Variants in TBL1XR1 observed in about 807,000 individuals in gnomAD.
The protein encoded by TBL1XR1 is F-box-like/WD repeat-containing protein TBL1XR1.
Under a neutral mutation model 66.9 loss-of-function variants are expected in TBL1XR1, and 5 were observed. The observed-to-expected ratio is 0.07, with a 90% CI of 0.04 to 0.16. TBL1XR1 has a LOEUF of 0.16. Among genes scored for constraint, TBL1XR1 ranks in the 10% least tolerant of loss-of-function variants. The probability of loss-of-function intolerance (pLI) is 1.00; values close to 1 mark genes in which losing one functional copy is unlikely to be tolerated. For missense variants in TBL1XR1, 238 were observed against 623.2 expected, an observed-to-expected ratio of 0.38 and a Z score of 6.58; for synonymous variants, 210 against 206.0, an observed-to-expected ratio of 1.02 and a Z score of -0.17.
intron 3 of TBL1XR1, among the ~76,000 whole-genome samples, chr3:177,059,446 G>A (rs1487536260): frequency 3.3e-5 from 5 of 152,164 alleles, no homozygotes; most frequent in African/African-American, 1.2e-4. Context: ...TGCCTACTGT[G>A]ATCACGTTTT....
intron 5 of TBL1XR1, 150 bp from the exon 6 acceptor site, chr3:177,050,760 G>C (rs1340188585): frequency 4.5e-6 from 2 of 446,794 alleles, no homozygotes; most frequent in Middle Eastern, 4.4e-4. Context: ...TGACTACACA[G>C]TCTTAGTCAC....
chr3:177,127,421 G>T (rs1166712963), intron 1 of TBL1XR1, among the ~76,000 whole-genome samples: 1 of 152,068 alleles, frequency 6.6e-6, no homozygotes, highest in East Asian at 1.9e-4. Flanking sequence ...AGAACACAGG[G>T]GACCTAATGT....
At position 177,158,224 on chromosome 3, in the gene TBL1XR1, C is replaced by CTTTTT. The variant is rs1560241328; in HGVS notation, c.-122+38896_-122+38897insAAAAA. ...TCCACTGTAAATATAGGATTTGTTTCTTTTCTTTTTTTTTTTTTTTTTTAA... is the reference window on the plus strand; with the variant it reads ...TCCACTGTAAATATAGGATTTGTTTCTTTTTTTTTCTTTTTTTTTTTTTTTTTTAA... On this transcript the variant is annotated intron_variant, in intron 1 of 15. Transcript: ENST00000457928. Among the ~76,000 whole-genome samples the CTTTTT allele has an allele frequency of 1.4e-5, 2 of 139,682 alleles. 1 individual carries two copies. The allele number at this position is 139,682 out of a possible 152,430, so 91.6% of individuals were successfully genotyped here.
chr3:177,191,744 T>C (rs1559971572), intron 1 of TBL1XR1, among the ~76,000 whole-genome samples: 1 of 152,258 alleles, frequency 6.6e-6, no homozygotes, highest in East Asian at 1.9e-4. Context: ...CCCAAAGTAA[T>C]CACTACAGCC....
At chr3:177,032,469 A>G (rs560999972) in intron 14 of TBL1XR1, 2 of 152,264 alleles carry the variant, frequency 1.3e-5, no homozygotes, top group Non-Finnish European at 2.9e-5. Context: ...CAAAAAACTA[A>G]AACATTGAGA....
chr3:177,161,775 C>T (rs1732242540), intron 1 of TBL1XR1, among the ~76,000 whole-genome samples: 1 of 133,506 alleles, frequency 7.5e-6, no homozygotes, highest in Non-Finnish European at 1.7e-5. Context: ...CAGAGTGAGA[C>T]TCTGACTCAA....
At chr3:177,032,780 T>C in intron 14 of TBL1XR1, 191 bp downstream of exon 14, 2 of 431,458 alleles carry the variant, frequency 4.6e-6, no homozygotes, top group Non-Finnish European at 7.9e-6. Context: ...ATAAAACAAA[T>C]GATCAAAATC....
chr3:177,029,248 A>G (rs1713596035), intron 14 of TBL1XR1, among the ~76,000 whole-genome samples: 1 of 152,168 alleles, frequency 6.6e-6, no homozygotes. Flanking sequence ...TGGGTAACAC[A>G]GCAAGACCCT....
At chr3:177,181,605 C>CG (rs1469581768) in intron 1 of TBL1XR1, among the ~76,000 whole-genome samples, 1 of 99,084 alleles carries the variant, frequency 1.0e-5, no homozygotes, top group African/African-American at 3.4e-5. Flanking sequence ...AGGAGGAGGT[C>CG]GGAAGAACCA....
chr3:177,156,608 C>T (rs1444581822), intron 1 of TBL1XR1, among the ~76,000 whole-genome samples: 1 of 150,928 alleles, frequency 6.6e-6, no homozygotes, highest in Non-Finnish European at 1.5e-5. Flanking sequence ...TGACAAAACA[C>T]TTGTGTCTGG....
chr3:177,096,450 G>A (rs943854695), intron 2 of TBL1XR1, among the ~76,000 whole-genome samples: 1 of 152,048 alleles, frequency 6.6e-6, no homozygotes, highest in Non-Finnish European at 1.5e-5. Context: ...TATAGTCTAT[G>A]AGCGGTTATA....
At chr3:177,163,746 GTAGGGGAGAGAA>G (rs1470427563) in intron 1 of TBL1XR1, among the ~76,000 whole-genome samples, 3 of 152,106 alleles carry the variant, frequency 2.0e-5, no homozygotes, top group Non-Finnish European at 4.4e-5. Flanking sequence ...AGGGGTAGGG[GTAGGGGAGAGAA>G]TACTTATGAA....
intron 15 of TBL1XR1, 59 bp from the exon 16 acceptor site, chr3:177,025,583 TTAAC>T: frequency 6.6e-7 from 1 of 1,514,258 alleles, no homozygotes; most frequent in South Asian, 1.2e-5. Flanking sequence ...CATTTTATGT[TTAAC>T]TTTTCTATAG....
chr3:177,101,316 G>A (rs1275162755), intron 1 of TBL1XR1, among the ~76,000 whole-genome samples: 1 of 151,610 alleles, frequency 6.6e-6, no homozygotes, highest in African/African-American at 2.4e-5. Flanking sequence ...ATTAAGTCAT[G>A]AGCCTGTTTT....
intron 2 of TBL1XR1, among the ~76,000 whole-genome samples, chr3:177,083,860 C>T (rs547527562): frequency 5.6e-4 from 85 of 151,624 alleles, no homozygotes; most frequent in Non-Finnish European, 1.1e-3. Flanking sequence ...GAAGCTGAGG[C>T]GGGTGGATCA....
At chr3:177,125,472 G>A (rs746044449) in intron 1 of TBL1XR1, among the ~76,000 whole-genome samples, 1 of 152,118 alleles carries the variant, frequency 6.6e-6, no homozygotes, top group Non-Finnish European at 1.5e-5. Context: ...CAGTCCTTTG[G>A]AAAACAGTCT....
chr3:177,054,216 C>T (rs976799014), intron 3 of TBL1XR1, among the ~76,000 whole-genome samples: 1 of 152,080 alleles, frequency 6.6e-6, no homozygotes, highest in Non-Finnish European at 1.5e-5. Context: ...CTTTTCTTAA[C>T]AAAAAGCATC....
chr3:177,103,557 A>G (rs1454460315), intron 1 of TBL1XR1, among the ~76,000 whole-genome samples: 1 of 152,234 alleles, frequency 6.6e-6, no homozygotes, highest in Non-Finnish European at 1.5e-5. Flanking sequence ...GAAAAATTCT[A>G]AAGAAAAGCA....
chr3:177,062,505 T>C (rs1718644634), intron 3 of TBL1XR1, among the ~76,000 whole-genome samples: 1 of 152,202 alleles, frequency 6.6e-6, no homozygotes. Context: ...TTATGGCAAG[T>C]TGCAGTCCTG....
Sources: allele counts gnomAD v4.1 joint callset (sites outside exome capture counted in the v4.1 genomes callset), GRCh38; gene constraint gnomAD v4.1.1; transcripts MANE v1.5; gene names NCBI Gene and HGNC (gene_info 2026-07-23, HGNC 2026-07-21).